The following CNKSR2 variants were observed in gnomAD, a reference collection of about 807,000 sequenced individuals.
CNKSR2 encodes the protein connector enhancer of kinase suppressor of Ras 2.
Under a neutral mutation model 84.4 loss-of-function variants are expected in CNKSR2, and 14 were observed. The observed-to-expected ratio is 0.17, with a 90% CI of 0.11 to 0.26. CNKSR2 has a LOEUF of 0.26. Among genes scored for constraint, CNKSR2 ranks in the 10% least tolerant of loss-of-function variants. CNKSR2 has a pLI of 1.00. For missense variants in CNKSR2, 485 were observed against 771.2 expected, an observed-to-expected ratio of 0.63 and a Z score of 4.40; for synonymous variants, 275 against 277.9, an observed-to-expected ratio of 0.99 and a Z score of 0.10.
intron 13 of CNKSR2, among the ~76,000 whole-genome samples, chrX:21,570,140 T>C (rs1453681472): frequency 8.9e-6 from 1 of 112,324 alleles, no homozygotes; most frequent in Non-Finnish European, 1.9e-5. Flanking sequence ...AAGCTAGGCA[T>C]TGACTTCTCT....
chrX:21,601,279 CA>C lies in CNKSR2; in HGVS notation c.1977-2del. 8.9e-7 allele frequency: 1 copy of C among 1,123,056 alleles called. No individual in the cohort carries two copies. Among genetic ancestry groups the C allele is most frequent in the Non-Finnish European group, 1.2e-6 (1 of 822,977 alleles). 92.6% of individuals were successfully genotyped at this position (1,123,056 alleles called of 1,213,427 possible). ...TTATTGATTTTAATATTTGTTTTCT[CA>C]GGTGGCTTAACAGAATTAATATGCT... On this transcript the variant is annotated splice_acceptor_variant, in intron 17 of 21. Transcript: ENST00000379510. LOFTEE classifies it high-confidence loss of function.
chrX:21,418,556 G>T (rs1197591175), intron 1 of CNKSR2, among the ~76,000 whole-genome samples: 1 of 111,417 alleles, frequency 9.0e-6, no homozygotes, highest in Non-Finnish European at 1.9e-5. Context: ...TATTTTTGCT[G>T]TTTATACTCT....
Position 21,426,576 on chromosome X carries a change from A to G in CNKSR2, c.144A>G (p.Thr48=). The change falls in exon 2 of 22, where the codon ACA becomes ACG. Residue 48 remains threonine (T), a synonymous_variant. Transcript: ENST00000379510. ...KISGDQLLRI[T]HQELEDLGVS... ...GTGGGGACCAGCTGCTGCGCATTAC[A>G]CATCAGGAGCTAGAAGATCTGGGGG... The G allele has an allele frequency of 8.3e-7, 1 of 1,207,705 alleles. No individual in the cohort carries two copies.
rs776898255 is a variant in CNKSR2 at position 21,432,588 on chromosome X, TTCTCTC to T, written c.229-20_229-15del. The T allele has an allele frequency of 9.8e-7, 1 of 1,017,685 alleles. No individual in the cohort carries two copies. The highest frequency in any genetic ancestry group is 2.6e-5 in the Admixed American group (1 of 37,778). The allele number at this position is 1,017,685 out of a possible 1,213,427, so 83.9% of individuals were successfully genotyped here. On this transcript the variant is annotated intron_variant, in intron 2 of 21. Transcript: ENST00000379510. ...ATGAATAAAACTGACTTTAAATATA[TTCTCTC>T]TCTTTTTTATAATTCAGAATTATGG...
intron 5 of CNKSR2, among the ~76,000 whole-genome samples, chrX:21,476,967 T>C (rs1004570184): frequency 8.9e-6 from 1 of 111,781 alleles, no homozygotes; most frequent in Non-Finnish European, 1.9e-5. Flanking sequence ...GAATTTTCAG[T>C]TCTATACTCT....
chrX:21,577,036 T>A lies in CNKSR2; in HGVS notation c.1609-13536T>A, dbSNP rs566414243. ...TACAAGACTTGTAACTTAATGGAAT[T>A]CCTAAGATACTGATTAAATTCATCA... On this transcript the variant is annotated intron_variant, in intron 13 of 21. Coordinates refer to ENST00000379510, the MANE Select transcript of CNKSR2 (RefSeq NM_014927.5). Among the ~76,000 whole-genome samples, 5 of 111,907 alleles carry A rather than the reference T, an allele frequency of 4.5e-5. No homozygotes were observed. In the Middle Eastern group the frequency reaches 0.014, roughly 308 times the overall value.
At chrX:21,521,931 C>T (rs1389640393) in intron 9 of CNKSR2, among the ~76,000 whole-genome samples, 1 of 110,831 alleles carries the variant, frequency 9.0e-6, no homozygotes, top group African/African-American at 3.3e-5. Context: ...ATGTATTTCC[C>T]TTGCTTCAGT....
intron 11 of CNKSR2, among the ~76,000 whole-genome samples, chrX:21,540,758 G>T (rs182394527): frequency 4.7e-4 from 53 of 111,710 alleles, no homozygotes; most frequent in African/African-American, 1.5e-3. Context: ...TACTCAAAGA[G>T]ACTTTAGAGT....
rs762837135 is a variant in CNKSR2 at position 21,622,827 on chromosome X, T to C, written c.2692+13210T>C. Reference sequence around the variant, plus strand: ...ATATTGATGGCTTGACCAGAAAATATTGAAGTTCAGGTTATATTATTTTAT... The same window carrying C: ...ATATTGATGGCTTGACCAGAAAATACTGAAGTTCAGGTTATATTATTTTAT... On this transcript the variant is annotated intron_variant, in intron 20 of 21. Transcript: ENST00000379510. Among the ~76,000 whole-genome samples, 3 of 111,800 alleles carry C rather than the reference T, an allele frequency of 2.7e-5. 1 individual carries two copies. Among genetic ancestry groups the C allele is most frequent in the Non-Finnish European group, 3.8e-5 (2 of 52,927 alleles).
At chrX:21,577,009 T>G (rs2147221224) in intron 13 of CNKSR2, among the ~76,000 whole-genome samples, 1 of 112,013 alleles carries the variant, frequency 8.9e-6, no homozygotes, top group South Asian at 3.7e-4. Flanking sequence ...AGAGATTTGA[T>G]GTACAAGACT....
At chrX:21,648,418 T>C (rs1465571777) in intron 20 of CNKSR2, among the ~76,000 whole-genome samples, 1 of 111,987 alleles carries the variant, frequency 8.9e-6, no homozygotes, top group African/African-American at 3.2e-5. Flanking sequence ...ATCAGCATAA[T>C]GATAAGGGAT....
intron 11 of CNKSR2, among the ~76,000 whole-genome samples, chrX:21,549,142 G>A (rs911313709): frequency 5.3e-5 from 6 of 112,477 alleles, no homozygotes; most frequent in African/African-American, 1.6e-4. Context: ...GTCCCTGTTT[G>A]CAGATGACAT....
At chrX:21,573,375 G>C in intron 13 of CNKSR2, among the ~76,000 whole-genome samples, 1 of 112,107 alleles carries the variant, frequency 8.9e-6, no homozygotes, top group East Asian at 2.8e-4. Flanking sequence ...AGCTCTACTA[G>C]GCAGTGCCCC....
intron 11 of CNKSR2, among the ~76,000 whole-genome samples, chrX:21,554,980 TC>T (rs1364210210): frequency 9.0e-6 from 1 of 110,683 alleles, no homozygotes; most frequent in Admixed American, 9.6e-5. Context: ...TTTCTTTTTT[TC>T]CACAACCTCA....
Position 21,601,282 on chromosome X carries a change from G to T in CNKSR2, c.1977G>T (p.Arg659Ser). 8.8e-7 allele frequency: 1 copy of T among 1,138,720 alleles called. No homozygotes were observed. The highest frequency in any genetic ancestry group is 1.2e-6 in the Non-Finnish European group (1 of 836,235). The allele number at this position is 1,138,720 out of a possible 1,213,427, so 93.8% of individuals were successfully genotyped here. A position where few individuals can be genotyped will look rare whatever the true frequency, so the allele number is the denominator to read the frequency against. ...TTGATTTTAATATTTGTTTTCTCAG[G>T]TGGCTTAACAGAATTAATATGCTGA... ...FAAEHLDDMN[R>S]WLNRINMLTA... Residue 659 changes from arginine (R) to serine (S), a missense_variant and splice_region_variant, in exon 18 of 22, where the codon AGG becomes AGT. By Grantham distance (110) the Arg-to-Ser change is moderately radical. This residue lies in a region of CNKSR2 where 210 missense variants were observed against 291.5 expected (regional missense o/e 0.72). Coordinates refer to ENST00000379510, the MANE Select transcript of CNKSR2 (RefSeq NM_014927.5).
chrX:21,539,717 TTG>T (rs1243773817), intron 11 of CNKSR2, among the ~76,000 whole-genome samples: 3 of 111,185 alleles, frequency 2.7e-5, no homozygotes, highest in Admixed American at 9.6e-5. Flanking sequence ...TTTGTTTGGG[TTG>T]TGTGTGTGTG....
rs775873195 is a variant in CNKSR2, at chrX:21,539,879, T to C, written c.1303+7812T>C. On this transcript the variant is annotated intron_variant, in intron 11 of 21. Transcript: ENST00000379510. ...ACTGGAGATTCCTCAGTACAAGAAC[T>C]GAAGATTGTTTCAAGTAAATAACAG... 6.2e-5 allele frequency among the ~76,000 whole-genome samples: 7 copies of C among 112,130 alleles called. 1 individual carries two copies. The highest frequency in any genetic ancestry group is 2.3e-4 in the African/African-American group (7 of 30,884).
intron 2 of CNKSR2, chrX:21,427,045 A>C (rs2090574767): frequency 7.3e-6 from 1 of 137,348 alleles, no homozygotes; most frequent in Admixed American, 8.9e-5. Flanking sequence ...TTGACCCATG[A>C]ACAAGGCTCT....
At chrX:21,428,039 G>C (rs1229404393) in intron 2 of CNKSR2, 1 of 111,919 alleles carries the variant, frequency 8.9e-6, no homozygotes. Context: ...TGTGCAGAAT[G>C]GGAAGTGATG....
Sources: gnomAD v4.1 joint callset for allele counts (sites outside exome capture counted in the v4.1 genomes callset) on GRCh38, gnomAD v4.1.1 for gene constraint, gnomAD v4.1.1 regional missense constraint, MANE v1.5 for transcripts, NCBI Gene and HGNC (gene_info 2026-07-23, HGNC 2026-07-21) for gene names.